TIE1: variants seen among roughly 807,000 people sequenced by gnomAD.
TIE1 encodes tyrosine-protein kinase receptor Tie-1.
Under a neutral mutation model 130.5 loss-of-function variants are expected in TIE1, and 89 were observed. That is an observed-to-expected ratio of 0.68 (90% CI 0.57 to 0.81). The LOEUF is 0.81. Ranked by LOEUF, TIE1 falls within the 40% of genes least tolerant of loss-of-function variation. The pLI is 0.00. For missense variants in TIE1, 1,392 were observed against 1,559.8 expected (o/e 0.89, Z 1.81); for synonymous variants, 568 against 629.4 (o/e 0.90, Z 1.46).
Position 43,317,977 on chromosome 1 carries a change from C to T in TIE1, c.2827C>T (p.Arg943Ter). 4 of 1,612,308 alleles carry T rather than the reference C, an allele frequency of 2.5e-6. No homozygotes were observed. The highest frequency in any genetic ancestry group is 2.5e-6 in the Non-Finnish European group (3 of 1,179,120). The change falls in exon 17 of 23, where the codon CGA becomes TGA. Residue 943 changes from arginine to a stop codon, truncating the protein, a stop_gained. Transcript: ENST00000372476. LOFTEE classifies it high-confidence loss of function. The surrounding 1 kb of genome is among the most constrained non-coding windows in gnomAD (Gnocchi z 5.1). ...CCTAGAGACTGACCCAGCTTTTGCT[C>T]GAGAGCATGGGACAGCCTCTACCCT... is the stretch of plus-strand genomic sequence containing the variant. ...RVLETDPAFAREHGTASTLSS... is the reference protein window; with the variant it reads ...RVLETDPAFA
chr1:43,314,145 C>T (rs1489722252), intron 14 of TIE1, 177 bp downstream of exon 14: 1 of 863,826 alleles, frequency 1.2e-6, no homozygotes, highest in Non-Finnish European at 1.8e-6. Context: ...CTTTATTTCT[C>T]TAAAACTGAA....
chr1:43,308,660 G>A (rs753182361), intron 7 of TIE1, among the ~76,000 whole-genome samples: 14 of 152,170 alleles, frequency 9.2e-5, no homozygotes, highest in Non-Finnish European at 1.5e-4. Context: ...GCCGGGGAGC[G>A]GGAGCAGGAG....
intron 1 of TIE1, among the ~76,000 whole-genome samples, chr1:43,304,622 G>A (rs1253020117): frequency 6.6e-6 from 1 of 152,116 alleles, no homozygotes; most frequent in Non-Finnish European, 1.5e-5. Flanking sequence ...AGAGACTTGA[G>A]GGAAAGAGGC....
In TIE1 at chr1:43,307,783, C is replaced by T; in HGVS notation, c.914-13C>T. The T allele has an allele frequency of 6.2e-7, 1 of 1,614,126 alleles. No individual in the cohort carries two copies. The highest frequency in any genetic ancestry group is 8.5e-7 in the Non-Finnish European group (1 of 1,179,998). Reference sequence around the variant, plus strand: ...GTCCCATGCCCCTCTAATCATACCTCCTCTATTCCCAGCTTGTGCCCCTGG... The same window carrying T: ...GTCCCATGCCCCTCTAATCATACCTTCTCTATTCCCAGCTTGTGCCCCTGG... On this transcript the variant is annotated splice_polypyrimidine_tract_variant and intron_variant, in intron 6 of 22. Coordinates refer to ENST00000372476, the MANE Select transcript of TIE1 (RefSeq NM_005424.5). This position sits in a 1 kb window ranked among gnomAD's most constrained non-coding sequence, Gnocchi z 5.4.
rs1309464789 is a variant in TIE1, at chr1:43,315,847, A to G, written c.2410-1352A>G. ...ATGGTGTCATACTCTATATCAAGAT[A>G]TATCCCCCTAGCCTGGGCAACATGG... On this transcript the variant is annotated intron_variant, in intron 14 of 22. Coordinates refer to ENST00000372476, the MANE Select transcript of TIE1 (RefSeq NM_005424.5). The surrounding 1 kb of genome is among the most constrained non-coding windows in gnomAD (Gnocchi z 4.4). Among the ~76,000 whole-genome samples the G allele has an allele frequency of 6.6e-6, 1 of 152,070 alleles. No homozygotes were observed. The highest frequency in any genetic ancestry group is 2.1e-4 in the South Asian group (1 of 4,820).
In TIE1 at chr1:43,322,202, G is replaced by C. The variant is rs970285796; in HGVS notation, c.3346-449G>C. 1.3e-5 allele frequency among the ~76,000 whole-genome samples: 2 copies of C among 152,086 alleles called. No homozygotes were observed. Among genetic ancestry groups the C allele is most frequent in the African/African-American group, 4.8e-5 (2 of 41,384 alleles). On this transcript the variant is annotated intron_variant, in intron 22 of 22. Coordinates refer to ENST00000372476, the MANE Select transcript of TIE1 (RefSeq NM_005424.5). The surrounding 1 kb of genome is among the most constrained non-coding windows in gnomAD (Gnocchi z 4.0). Reference sequence around the variant, plus strand: ...CAATAACTCAATCTACTAACCATGTGAATAAGTGAATTATCAAATAAATAT... The same window carrying C: ...CAATAACTCAATCTACTAACCATGTCAATAAGTGAATTATCAAATAAATAT...
chr1:43,312,101 C>G lies in TIE1; in HGVS notation c.1600C>G (p.Pro534Ala), dbSNP rs1463494703. 6.3e-7 allele frequency: 1 copy of G among 1,579,086 alleles called. No homozygotes were observed. Among genetic ancestry groups the G allele is most frequent in the Admixed American group, 1.8e-5 (1 of 56,276 alleles). Residue 534 changes from proline (P) to alanine (A), a missense_variant, in exon 11 of 23, where the codon CCT (proline) becomes GCT (alanine). Around this residue, in one of 6 missense-constraint regions of TIE1, gnomAD observed 551 missense variants for 565.5 expected, o/e 0.97. Coordinates refer to ENST00000372476, the MANE Select transcript of TIE1 (RefSeq NM_005424.5). The surrounding 1 kb of genome is among the most constrained non-coding windows in gnomAD (Gnocchi z 5.6). ...GGAAGGAGGAGAGGGGGCCTGGGGG[C>G]CTCCCACCCTCATGACCACAGACTG... is the stretch of plus-strand genomic sequence containing the variant. ...PGEGGEGAWGPPTLMTTDCPE... is the reference protein window; with the variant it reads ...PGEGGEGAWGAPTLMTTDCPE...
Position 43,318,693 on chromosome 1 carries a change from G to A in TIE1, c.2923-542G>A, listed in dbSNP as rs2001343. Among the ~76,000 whole-genome samples, 879 of 152,068 alleles carry A rather than the reference G, an allele frequency of 5.8e-3. 10 individuals carry two copies. The highest frequency in any genetic ancestry group is 0.02 in the African/African-American group (849 of 41,470). On this transcript the variant is annotated intron_variant, in intron 17 of 22. Transcript: ENST00000372476. This position sits in a 1 kb window ranked among gnomAD's most constrained non-coding sequence, Gnocchi z 4.4. ...TAATTTTTGTATTTTTAGTAGAGAC[G>A]AGGTTTCACCATGCTGGCCAGGCTG... is the stretch of plus-strand genomic sequence containing the variant.
At position 43,316,874 on chromosome 1, in the gene TIE1, T is replaced by C. The variant is rs554859583; in HGVS notation, c.2410-325T>C. Among the ~76,000 whole-genome samples, 1 of 152,336 alleles carries C rather than the reference T, an allele frequency of 6.6e-6. No individual in the cohort carries two copies. Among genetic ancestry groups the C allele is most frequent in the South Asian group, 2.1e-4 (1 of 4,820 alleles). On this transcript the variant is annotated intron_variant, in intron 14 of 22. Coordinates refer to ENST00000372476, the MANE Select transcript of TIE1 (RefSeq NM_005424.5). This position sits in a 1 kb window ranked among gnomAD's most constrained non-coding sequence, Gnocchi z 4.4. Reference sequence around the variant, plus strand: ...AATATCCTCCTTCCATTGACTCACATTGTGGCTTCTAGCAACTTTACCCAC... The same window carrying C: ...AATATCCTCCTTCCATTGACTCACACTGTGGCTTCTAGCAACTTTACCCAC...
chr1:43,316,907 G>A lies in TIE1; in HGVS notation c.2410-292G>A, dbSNP rs1483130890. The stretch of plus-strand genomic sequence containing the variant: ...TCTAGCAACTTTACCCACAAGCCCT[G>A]GTTCTGCCTTCCAGAGTCCCGTACA... On this transcript the variant is annotated intron_variant, in intron 14 of 22. Coordinates refer to ENST00000372476, the MANE Select transcript of TIE1 (RefSeq NM_005424.5). The surrounding 1 kb of genome is among the most constrained non-coding windows in gnomAD (Gnocchi z 4.4). Among the ~76,000 whole-genome samples, 1 of 152,146 alleles carries A rather than the reference G, an allele frequency of 6.6e-6. No homozygotes were observed. Among genetic ancestry groups the A allele is most frequent in the Non-Finnish European group, 1.5e-5 (1 of 68,024 alleles).
rs900391395 is a variant in TIE1 at position 43,310,209 on chromosome 1, C to T, written c.1333+677C>T. Among the ~76,000 whole-genome samples the T allele has an allele frequency of 3.3e-5, 5 of 152,228 alleles. No individual in the cohort carries two copies. The East Asian group carries it at 9.7e-4, about 29-fold the overall frequency. On this transcript the variant is annotated intron_variant, in intron 9 of 22. Transcript: ENST00000372476. Reference sequence around the variant, plus strand: ...CGTTGCCACACTCTGCCTCCCAGGTCCTCGCCATCTCCCTATCCCGTGACT... The same window carrying T: ...CGTTGCCACACTCTGCCTCCCAGGTTCTCGCCATCTCCCTATCCCGTGACT...
In TIE1 at chr1:43,306,995, G is replaced by T; in HGVS notation, c.640G>T (p.Gly214Cys). 6.2e-7 allele frequency: 1 copy of T among 1,613,812 alleles called. No homozygotes were observed. The highest frequency in any genetic ancestry group is 8.5e-7 in the Non-Finnish European group (1 of 1,180,018). Residue 214 changes from glycine to cysteine, a missense_variant and splice_region_variant, in exon 4 of 23, where the codon GGT becomes TGT. Gly to Cys is a radical substitution (Grantham distance 159). Coordinates refer to ENST00000372476, the MANE Select transcript of TIE1 (RefSeq NM_005424.5). This position sits in a 1 kb window ranked among gnomAD's most constrained non-coding sequence, Gnocchi z 4.9. The stretch of plus-strand genomic sequence containing the variant: ...CGCCTTCTTTCGGCTCATCGTGCGG[G>T]GTCAGAGGCAGAGGGCAGAGGTTGT... ...GSAFFRLIVR[G>C]CGAGRWGPGC...
Position 43,313,560 on chromosome 1 carries a change from G to A in TIE1, c.2218+135G>A. 2.5e-6 allele frequency: 3 copies of A among 1,218,388 alleles called. No homozygotes were observed. Among genetic ancestry groups the A allele is most frequent in the Non-Finnish European group, 1.1e-6 (1 of 883,494 alleles). 75.5% of individuals were successfully genotyped at this position (1,218,388 alleles called of 1,614,324 possible). On this transcript the variant is annotated intron_variant, in intron 13 of 22. Coordinates refer to ENST00000372476, the MANE Select transcript of TIE1 (RefSeq NM_005424.5). This position sits in a 1 kb window ranked among gnomAD's most constrained non-coding sequence, Gnocchi z 6.2. ...CTGACAAAGAGTCAGCCCCAGTCCT[G>A]GGGACTCAGCCTTCCATTCTCATGA...
intron 1 of TIE1, among the ~76,000 whole-genome samples, 164 bp from the exon 2 acceptor site, chr1:43,304,687 C>CT (rs1456479807): frequency 6.6e-6 from 1 of 151,838 alleles, no homozygotes; most frequent in Non-Finnish European, 1.5e-5. Flanking sequence ...AAAGTGAGGC[C>CT]TGTGGGGTCT....
intron 1 of TIE1, among the ~76,000 whole-genome samples, chr1:43,303,614 C>T (rs1293402491): frequency 6.6e-6 from 1 of 152,152 alleles, no homozygotes; most frequent in African/African-American, 2.4e-5. Flanking sequence ...GGCAGGCTCG[C>T]AGGCTCTCCA....
At position 43,306,954 on chromosome 1, in the gene TIE1, C is replaced by T. The variant is rs751594832; in HGVS notation, c.599C>T (p.Ala200Val). ...SGIYSATYLE[A>V]SPLGSAFFRL... The stretch of plus-strand genomic sequence containing the variant: ...ATCTACAGTGCCACTTACCTGGAAG[C>T]CAGCCCCCTGGGCAGCGCCTTCTTT... Residue 200 changes from alanine to valine, a missense_variant, in exon 4 of 23, where the codon GCC becomes GTC. Physicochemically the swap from Ala to Val is moderately conservative, Grantham distance 64. Transcript: ENST00000372476. The surrounding 1 kb of genome is among the most constrained non-coding windows in gnomAD (Gnocchi z 4.9). The T allele has an allele frequency of 1.2e-6, 2 of 1,614,008 alleles. No homozygotes were observed. The highest frequency in any genetic ancestry group is 2.2e-5 in the South Asian group (2 of 91,086).
chr1:43,319,098 C>G lies in TIE1; in HGVS notation c.2923-137C>G, dbSNP rs551257128. On this transcript the variant is annotated intron_variant, in intron 17 of 22. Transcript: ENST00000372476. This position sits in a 1 kb window ranked among gnomAD's most constrained non-coding sequence, Gnocchi z 4.7. Reference sequence around the variant, plus strand: ...TCTTTCTCAGATATGAGTCAGCTGACGAGATTGCAGCCAGGAGGGTAGGAG... The same window carrying G: ...TCTTTCTCAGATATGAGTCAGCTGAGGAGATTGCAGCCAGGAGGGTAGGAG... The G allele has an allele frequency of 6.1e-5, 40 of 658,018 alleles. 1 individual carries two copies. In the South Asian group the frequency reaches 6.9e-4, roughly 11 times the overall value. 40.8% of individuals were successfully genotyped at this position (658,018 alleles called of 1,614,324 possible). A position where few individuals can be genotyped will look rare whatever the true frequency, so the allele number is the denominator to read the frequency against.
Position 43,312,984 on chromosome 1 carries a change from A to T in TIE1, c.1928-151A>T. On this transcript the variant is annotated intron_variant, in intron 12 of 22. Transcript: ENST00000372476. This position sits in a 1 kb window ranked among gnomAD's most constrained non-coding sequence, Gnocchi z 5.6. ...AAAGTGGCCTGGGGGAATGGAGAGG[A>T]ATTCAGTCTGGTGGGGAGGAGGAAG... 2 of 878,894 alleles carry T rather than the reference A, an allele frequency of 2.3e-6. No individual in the cohort carries two copies. Among genetic ancestry groups the T allele is most frequent in the South Asian group, 3.5e-5 (2 of 57,550 alleles). 54.4% of individuals were successfully genotyped at this position (878,894 alleles called of 1,614,324 possible).
rs1173063617 is a variant in TIE1 at position 43,317,081 on chromosome 1, A to G, written c.2410-118A>G. 9.6e-7 allele frequency: 1 copy of G among 1,046,802 alleles called. No individual in the cohort carries two copies. Among genetic ancestry groups the G allele is most frequent in the Non-Finnish European group, 1.5e-6 (1 of 682,470 alleles). The allele number at this position is 1,046,802 out of a possible 1,614,324, so 64.8% of individuals were successfully genotyped here. A position where few individuals can be genotyped will look rare whatever the true frequency, so the allele number is the denominator to read the frequency against. On this transcript the variant is annotated intron_variant, in intron 14 of 22. Coordinates refer to ENST00000372476, the MANE Select transcript of TIE1 (RefSeq NM_005424.5). This position sits in a 1 kb window ranked among gnomAD's most constrained non-coding sequence, Gnocchi z 5.1. ...CTGGCTGACCACCAGGGTGCCCTCC[A>G]TCTGGGTCTCTGCCCACTTGTCTGA...
Sources: allele counts gnomAD v4.1 joint callset (sites outside exome capture counted in the v4.1 genomes callset), GRCh38; gene constraint gnomAD v4.1.1; regional missense constraint gnomAD v4.1.1; non-coding constraint Gnocchi (gnomAD v3.1); transcripts MANE v1.5; gene names NCBI Gene and HGNC (gene_info 2026-07-23, HGNC 2026-07-21).